Variants in AMIGO1 observed in about 807,000 individuals in gnomAD.
AMIGO1 encodes the protein amphoterin-induced protein 1.
For synonymous variants in AMIGO1, 249 were observed against 266.3 expected (o/e 0.93, Z 0.63); for missense variants, 361 against 612.3 (o/e 0.59, Z 4.33).
chr1:109,506,575 C>G lies in AMIGO1; in HGVS notation c.*856G>C, dbSNP rs1337700160. ...TTCAGCAGCCCCCACTCTGGCCTGA[C>G]ACACAGATGCTGGGAATCAAATACT... is the stretch of plus-strand genomic sequence containing the variant. On this transcript the variant is annotated 3_prime_UTR_variant, in exon 2 of 2. Transcript: ENST00000369864. 1.3e-5 allele frequency: 2 copies of G among 152,256 alleles called. No homozygotes were observed. Among genetic ancestry groups the G allele is most frequent in the Non-Finnish European group, 2.9e-5 (2 of 68,058 alleles). 9.4% of individuals were successfully genotyped at this position (152,256 alleles called of 1,614,324 possible). A position where few individuals can be genotyped will look rare whatever the true frequency, so the allele number is the denominator to read the frequency against.
In AMIGO1 at chr1:109,504,603, C is replaced by G. The variant is rs1571121196; in HGVS notation, c.*2828G>C. ...TACCCACACCTGGCAGTTTTCAACA[C>G]AGGGTTCTAGTGCGCTTACATATGC... On this transcript the variant is annotated 3_prime_UTR_variant, in exon 2 of 2. Coordinates refer to ENST00000369864, the MANE Select transcript of AMIGO1 (RefSeq NM_020703.4). The G allele has an allele frequency of 6.6e-6, 1 of 152,256 alleles. No homozygotes were observed. Among genetic ancestry groups the G allele is most frequent in the Admixed American group, 6.5e-5 (1 of 15,294 alleles). The allele number at this position is 152,256 out of a possible 1,614,324, so 9.4% of individuals were successfully genotyped here.
rs1243006141 is a variant in AMIGO1, at chr1:109,508,927, G to A, written c.-15C>T. On this transcript the variant is annotated 5_prime_UTR_variant, in exon 2 of 2. Transcript: ENST00000369864. The surrounding 1 kb of genome is among the most constrained non-coding windows in gnomAD (Gnocchi z 7.8). ...TGGGGGTGCATAGTGTCACTGGAGT[G>A]GGCGAGGAAGGCCACAAGGAAGATC... 1 of 1,514,900 alleles carries A rather than the reference G, an allele frequency of 6.6e-7. No homozygotes were observed. The highest frequency in any genetic ancestry group is 8.8e-7 in the Non-Finnish European group (1 of 1,130,906). The allele number at this position is 1,514,900 out of a possible 1,614,324, so 93.8% of individuals were successfully genotyped here. A position where few individuals can be genotyped will look rare whatever the true frequency, so the allele number is the denominator to read the frequency against.
chr1:109,509,144 G>T, intron 1 of AMIGO1, 145 bp from the exon 2 acceptor site: 1 of 580,370 alleles, frequency 1.7e-6, no homozygotes, highest in Non-Finnish European at 3.0e-6. Context: ...TGTGCAGGCA[G>T]TGGGCTGTAA....
chr1:109,509,031 C>T (rs965794201), intron 1 of AMIGO1, 32 bp from the exon 2 acceptor site: 9 of 1,192,464 alleles, frequency 7.5e-6, no homozygotes, highest in Admixed American at 6.0e-5. Context: ...TTGTGGTCAC[C>T]AAGGACTCCA....
chr1:109,508,668 G>T lies in AMIGO1; in HGVS notation c.245C>A (p.Pro82His). ...GGAGTGCAGTTGGGTCAGGCGCGTG[G>T]GGGTCCACTCGGCCCGCAGGCGGCT... ...NLSRLRAEWT[P>H]TRLTQLHSLL... The change falls in exon 2 of 2, where the codon CCC becomes CAC. Residue 82 changes from proline (P) to histidine (H), a missense_variant. Transcript: ENST00000369864. The surrounding 1 kb of genome is among the most constrained non-coding windows in gnomAD (Gnocchi z 7.8). The T allele has an allele frequency of 1.2e-6, 2 of 1,614,164 alleles. No individual in the cohort carries two copies. The highest frequency in any genetic ancestry group is 1.7e-6 in the Non-Finnish European group (2 of 1,180,026).
rs1463701383 is a variant in AMIGO1, at chr1:109,504,842, C to T, written c.*2589G>A. 2 of 152,078 alleles carry T rather than the reference C, an allele frequency of 1.3e-5. No individual in the cohort carries two copies. Among genetic ancestry groups the T allele is most frequent in the Non-Finnish European group, 2.9e-5 (2 of 68,014 alleles). 9.4% of individuals were successfully genotyped at this position (152,078 alleles called of 1,614,324 possible). A position where few individuals can be genotyped will look rare whatever the true frequency, so the allele number is the denominator to read the frequency against. On this transcript the variant is annotated 3_prime_UTR_variant, in exon 2 of 2. Coordinates refer to ENST00000369864, the MANE Select transcript of AMIGO1 (RefSeq NM_020703.4). ...GGGTAGGAATTATGAAGAAAACGGC[C>T]CTCCCAGTCCTCAGGAGCTCCATCA...
chr1:109,508,885 G>A lies in AMIGO1; in HGVS notation c.28C>T (p.Leu10Phe), dbSNP rs1658097086. The A allele has an allele frequency of 3.8e-6, 6 of 1,592,422 alleles. No individual in the cohort carries two copies. The highest frequency in any genetic ancestry group is 4.3e-6 in the Non-Finnish European group (5 of 1,168,330). Residue 10 changes from leucine to phenylalanine, a missense_variant, in exon 2 of 2, where the codon CTC (leucine) becomes TTC (phenylalanine). Coordinates refer to ENST00000369864, the MANE Select transcript of AMIGO1 (RefSeq NM_020703.4). This position sits in a 1 kb window ranked among gnomAD's most constrained non-coding sequence, Gnocchi z 7.8. MHPHRDPRG[L>F]WLLLPSLSLL... Reference sequence around the variant, plus strand: ...GACAAGGACGGCAGCAGGAGCCAGAGGCCTCTCGGGTCACGGTGGGGGTGC... The same window carrying A: ...GACAAGGACGGCAGCAGGAGCCAGAAGCCTCTCGGGTCACGGTGGGGGTGC...
chr1:109,504,478 C>G lies in AMIGO1; in HGVS notation c.*2953G>C, dbSNP rs555843753. On this transcript the variant is annotated 3_prime_UTR_variant, in exon 2 of 2. Transcript: ENST00000369864. The stretch of plus-strand genomic sequence containing the variant: ...AATTACACAGATTGTAGAGCCCTGT[C>G]ATCCTCTGTCTCCAGGGACACCTGC... 5.9e-5 allele frequency: 9 copies of G among 152,272 alleles called. No homozygotes were observed. Among genetic ancestry groups the G allele is most frequent in the Admixed American group, 2.0e-4 (3 of 15,292 alleles). 9.4% of individuals were successfully genotyped at this position (152,272 alleles called of 1,614,324 possible).
rs1186333676 is a variant in AMIGO1 at position 109,509,648 on chromosome 1, C to G, written c.-316G>C. On this transcript the variant is annotated 5_prime_UTR_variant, in exon 1 of 2. Coordinates refer to ENST00000369864, the MANE Select transcript of AMIGO1 (RefSeq NM_020703.4). Reference sequence around the variant, plus strand: ...CCGACCGCGGTCGCTGCCTCCAGGTCCGCAGGCCTGGCGCGGATCGGTGCG... The same window carrying G: ...CCGACCGCGGTCGCTGCCTCCAGGTGCGCAGGCCTGGCGCGGATCGGTGCG... 6 of 151,666 alleles carry G rather than the reference C, an allele frequency of 4.0e-5. No individual in the cohort carries two copies. The highest frequency in any genetic ancestry group is 5.9e-5 in the Non-Finnish European group (4 of 67,840). 9.4% of individuals were successfully genotyped at this position (151,666 alleles called of 1,614,324 possible). A position where few individuals can be genotyped will look rare whatever the true frequency, so the allele number is the denominator to read the frequency against.
chr1:109,507,291 C>G lies in AMIGO1; in HGVS notation c.*140G>C, dbSNP rs765802009. On this transcript the variant is annotated 3_prime_UTR_variant, in exon 2 of 2. Transcript: ENST00000369864. The surrounding 1 kb of genome is among the most constrained non-coding windows in gnomAD (Gnocchi z 4.7). The stretch of plus-strand genomic sequence containing the variant: ...CACGCCCTGTTTGGGGTCTTGCTCT[C>G]TGTTGTACCTGGGACCAATTCCCTT... The G allele has an allele frequency of 1.6e-6, 2 of 1,238,536 alleles. No individual in the cohort carries two copies. The highest frequency in any genetic ancestry group is 2.5e-5 in the Admixed American group (1 of 40,286). The allele number at this position is 1,238,536 out of a possible 1,614,324, so 76.7% of individuals were successfully genotyped here. A position where few individuals can be genotyped will look rare whatever the true frequency, so the allele number is the denominator to read the frequency against.
At position 109,508,769 on chromosome 1, in the gene AMIGO1, G is replaced by A. The variant is rs200844103; in HGVS notation, c.144C>T (p.Ser48=). ...CLCASNILSC[S]KQQLPNVPHS... ...GGGGCACATTGGGCAGCTGCTGCTTGGAGCAGCTGAGGATGTTGCTGGCGC... is the reference window on the plus strand; with the variant it reads ...GGGGCACATTGGGCAGCTGCTGCTTAGAGCAGCTGAGGATGTTGCTGGCGC... The change falls in exon 2 of 2, where the codon TCC becomes TCT. Residue 48 remains serine (S), a synonymous_variant. Transcript: ENST00000369864. The surrounding 1 kb of genome is among the most constrained non-coding windows in gnomAD (Gnocchi z 7.8). 2 of 1,614,082 alleles carry A rather than the reference G, an allele frequency of 1.2e-6. No homozygotes were observed. Among genetic ancestry groups the A allele is most frequent in the East Asian group, 2.2e-5 (1 of 44,868 alleles).
At position 109,509,005 on chromosome 1, in the gene AMIGO1, G is replaced by A. The variant is rs1658100183; in HGVS notation, c.-87-6C>T. On this transcript the variant is annotated splice_region_variant and splice_polypyrimidine_tract_variant and intron_variant, in intron 1 of 1. Coordinates refer to ENST00000369864, the MANE Select transcript of AMIGO1 (RefSeq NM_020703.4). ...GGTGGGGTACGGAAGGGTCACTTGA[G>A]AGAAAGAGGATGGGTTTGTGGTCAC... is the stretch of plus-strand genomic sequence containing the variant. 1 of 1,381,008 alleles carries A rather than the reference G, an allele frequency of 7.2e-7. No homozygotes were observed. The highest frequency in any genetic ancestry group is 9.6e-7 in the Non-Finnish European group (1 of 1,037,754). 85.5% of individuals were successfully genotyped at this position (1,381,008 alleles called of 1,614,324 possible).
chr1:109,505,170 A>T lies in AMIGO1; in HGVS notation c.*2261T>A, dbSNP rs1047320853. ...ACCTAGTTCTATCTTAATTGCTCAT[A>T]TATTGCTCATATATATAGTCTTCAC... On this transcript the variant is annotated 3_prime_UTR_variant, in exon 2 of 2. Coordinates refer to ENST00000369864, the MANE Select transcript of AMIGO1 (RefSeq NM_020703.4). The T allele has an allele frequency of 2.6e-5, 4 of 152,156 alleles. No individual in the cohort carries two copies. Among genetic ancestry groups the T allele is most frequent in the African/African-American group, 9.7e-5 (4 of 41,424 alleles). The allele number at this position is 152,156 out of a possible 1,614,324, so 9.4% of individuals were successfully genotyped here.
In AMIGO1 at chr1:109,508,736, C is replaced by T; in HGVS notation, c.177G>A (p.Leu59=). 6.2e-7 allele frequency: 1 copy of T among 1,613,838 alleles called. No homozygotes were observed. Residue 59 remains leucine (L), a synonymous_variant, in exon 2 of 2, where the codon TTG becomes TTA. Transcript: ENST00000369864. This position sits in a 1 kb window ranked among gnomAD's most constrained non-coding sequence, Gnocchi z 7.8. Reference sequence around the variant, plus strand: ...GGTCCAGTAGTGCTGTGTAACTGGGCAAGGAATGGGGCACATTGGGCAGCT... The same window carrying T: ...GGTCCAGTAGTGCTGTGTAACTGGGTAAGGAATGGGGCACATTGGGCAGCT... ...KQQLPNVPHS[L]PSYTALLDLS...
At position 109,508,015 on chromosome 1, in the gene AMIGO1, C is replaced by A. The variant is rs140461975; in HGVS notation, c.898G>T (p.Val300Leu). 6.2e-7 allele frequency: 1 copy of A among 1,614,164 alleles called. No individual in the cohort carries two copies. Among genetic ancestry groups the A allele is most frequent in the African/African-American group, 1.3e-5 (1 of 75,036 alleles). Reference protein sequence around the residue: ...CDTKQQGMTKVWVTPSNERVL... With the variant: ...CDTKQQGMTKLWVTPSNERVL... ...CGTTCATTACTTGGTGTCACCCACA[C>A]CTTGGTCATCCCTTGCTGCTTGGTG... is the stretch of plus-strand genomic sequence containing the variant. The change falls in exon 2 of 2, where the codon GTG becomes TTG. Residue 300 changes from valine (V) to leucine (L), a missense_variant. Transcript: ENST00000369864. The surrounding 1 kb of genome is among the most constrained non-coding windows in gnomAD (Gnocchi z 7.8).
rs1316297780 is a variant in AMIGO1, at chr1:109,507,528, G to A, written c.1385C>T (p.Thr462Ile). ...GQNGKLKPGN[T>I]LPVPEATGKG... ...GCCTGTGGCCTCAGGCACTGGCAGG[G>A]TGTTGCCTGGCTTGAGCTTGCCGTT... Residue 462 changes from threonine to isoleucine, a missense_variant, in exon 2 of 2, where the codon ACC (threonine) becomes ATC (isoleucine). Physicochemically the swap from Thr to Ile is moderately conservative, Grantham distance 89. Coordinates refer to ENST00000369864, the MANE Select transcript of AMIGO1 (RefSeq NM_020703.4). This position sits in a 1 kb window ranked among gnomAD's most constrained non-coding sequence, Gnocchi z 4.7. 5 of 1,614,168 alleles carry A rather than the reference G, an allele frequency of 3.1e-6. No individual in the cohort carries two copies. Among genetic ancestry groups the A allele is most frequent in the Non-Finnish European group, 2.5e-6 (3 of 1,180,036 alleles).
At position 109,508,960 on chromosome 1, in the gene AMIGO1, A is replaced by G; in HGVS notation, c.-48T>C. On this transcript the variant is annotated 5_prime_UTR_variant, in exon 2 of 2. Coordinates refer to ENST00000369864, the MANE Select transcript of AMIGO1 (RefSeq NM_020703.4). This position sits in a 1 kb window ranked among gnomAD's most constrained non-coding sequence, Gnocchi z 7.8. ...AAGGCCACAAGGAAGATCTGGGAGG[A>G]GGTCACCCGGGCATGTTCTGGTGGG... 1 of 1,473,502 alleles carries G rather than the reference A, an allele frequency of 6.8e-7. No individual in the cohort carries two copies. The allele number at this position is 1,473,502 out of a possible 1,614,324, so 91.3% of individuals were successfully genotyped here.
In AMIGO1 at chr1:109,509,347, C is replaced by G. The variant is rs193102730; in HGVS notation, c.-88+73G>C. 537 of 171,132 alleles carry G rather than the reference C, an allele frequency of 3.1e-3. 2 individuals are homozygous for G. Among genetic ancestry groups the G allele is most frequent in the Non-Finnish European group, 4.4e-3 (348 of 78,522 alleles). The allele number at this position is 171,132 out of a possible 1,614,324, so 10.6% of individuals were successfully genotyped here. Reference sequence around the variant, plus strand: ...CAACAGGGCACCGGGCTGGGTAGGACGCGTCCGGTCGGGGTTGAGGGTCCC... The same window carrying G: ...CAACAGGGCACCGGGCTGGGTAGGAGGCGTCCGGTCGGGGTTGAGGGTCCC... On this transcript the variant is annotated intron_variant, in intron 1 of 1. Transcript: ENST00000369864.
Position 109,507,222 on chromosome 1 carries a change from T to G in AMIGO1, c.*209A>C. The stretch of plus-strand genomic sequence containing the variant: ...CAGGGCTTTGGGTACGGGTGTAGCA[T>G]TTGCCTGAGGATTAATATACCCCCA... On this transcript the variant is annotated 3_prime_UTR_variant, in exon 2 of 2. Coordinates refer to ENST00000369864, the MANE Select transcript of AMIGO1 (RefSeq NM_020703.4). The surrounding 1 kb of genome is among the most constrained non-coding windows in gnomAD (Gnocchi z 4.7). The G allele has an allele frequency of 1.7e-6, 1 of 595,154 alleles. No homozygotes were observed. Among genetic ancestry groups the G allele is most frequent in the Non-Finnish European group, 2.9e-6 (1 of 348,786 alleles). The allele number at this position is 595,154 out of a possible 1,614,324, so 36.9% of individuals were successfully genotyped here.
Sources: allele counts gnomAD v4.1 joint callset, GRCh38; gene constraint gnomAD v4.1.1; non-coding constraint Gnocchi (gnomAD v3.1); transcripts MANE v1.5; gene names NCBI Gene and HGNC (gene_info 2026-07-23, HGNC 2026-07-21).